GSTO2: variants seen among roughly 807,000 people sequenced by gnomAD.
GSTO2 encodes the protein glutathione S-transferase omega-2.
A neutral mutation model predicts 28.4 loss-of-function variants in GSTO2; 23 were observed. The ratio of observed to expected loss-of-function variants is 0.81; its 90% CI spans 0.58 to 1.15. The LOEUF is 1.15. GSTO2 is among the 50% of genes most tolerant of loss of function. The pLI is 0.00. For missense variants in GSTO2, 298 were observed against 297.8 expected (o/e 1.00, Z 0.00); for synonymous variants, 109 against 111.0 (o/e 0.98, Z 0.11).
intron 5 of GSTO2, among the ~76,000 whole-genome samples, chr10:104,286,204 G>C (rs888231233): frequency 6.6e-6 from 1 of 151,742 alleles, no homozygotes; most frequent in African/African-American, 2.4e-5. Flanking sequence ...ATTTCAGAGC[G>C]TTTTTTTTAT....
At chr10:104,289,976 T>C (rs1452185934) in intron 5 of GSTO2, among the ~76,000 whole-genome samples, 1 of 152,208 alleles carries the variant, frequency 6.6e-6, no homozygotes, top group Non-Finnish European at 1.5e-5. Flanking sequence ...CCTCGTTCAC[T>C]GGGGCGGGAA....
chr10:104,272,351 G>T (rs74154778), intron 1 of GSTO2, among the ~76,000 whole-genome samples: 11,271 of 152,128 alleles, frequency 0.074, 1,398 homozygotes, highest in African/African-American at 0.26. Flanking sequence ...ACTAAATAGT[G>T]GAGACCAGAT....
In GSTO2 at chr10:104,287,812, G is replaced by A. The variant is rs114053231; in HGVS notation, c.468+8341G>A. Among the ~76,000 whole-genome samples, 232 of 149,244 alleles carry A rather than the reference G, an allele frequency of 1.6e-3. 2 individuals are homozygous for A. Among genetic ancestry groups the A allele is most frequent in the African/African-American group, 5.5e-3 (224 of 40,488 alleles). ...GATTTTGTCTTTTACATTATTTTCT[G>A]TGTTTGATTTTTTTTTTAATGATGG... On this transcript the variant is annotated intron_variant, in intron 5 of 6. Coordinates refer to ENST00000338595, the MANE Select transcript of GSTO2 (RefSeq NM_183239.2).
chr10:104,291,516 T>C (rs2012766613), intron 5 of GSTO2: 2 of 152,298 alleles, frequency 1.3e-5, no homozygotes, highest in South Asian at 4.1e-4. Context: ...TGAACGTTCT[T>C]GGGGAGCCGC....
chr10:104,273,028 G>C (rs2011489013), intron 1 of GSTO2, among the ~76,000 whole-genome samples: 1 of 152,034 alleles, frequency 6.6e-6, no homozygotes, highest in Non-Finnish European at 1.5e-5. Flanking sequence ...GCCTTTTTTA[G>C]GCTATGGATA....
At chr10:104,293,810 C>A (rs1448580445) in intron 5 of GSTO2, among the ~76,000 whole-genome samples, 1 of 151,938 alleles carries the variant, frequency 6.6e-6, no homozygotes, top group African/African-American at 2.4e-5. Context: ...TTGGCTCAAG[C>A]AATTTAAGGA....
chr10:104,281,619 C>T (rs1428703844), intron 5 of GSTO2, among the ~76,000 whole-genome samples: 1 of 152,206 alleles, frequency 6.6e-6, no homozygotes, highest in African/African-American at 2.4e-5. Flanking sequence ...GCTGCAGATA[C>T]TTGCATACAT....
intron 5 of GSTO2, chr10:104,295,723 C>A (rs1410388583): frequency 6.6e-6 from 1 of 152,152 alleles, no homozygotes; most frequent in Non-Finnish European, 1.5e-5. Flanking sequence ...CTGCTGGTTC[C>A]CAAGCTCACA....
intron 5 of GSTO2, among the ~76,000 whole-genome samples, chr10:104,282,704 A>G (rs773485021): frequency 3.3e-5 from 5 of 152,256 alleles, no homozygotes; most frequent in Admixed American, 3.3e-4. Context: ...ATTTTGAGGA[A>G]CTAAGATGAG....
At chr10:104,284,179 G>A (rs1309253250) in intron 5 of GSTO2, among the ~76,000 whole-genome samples, 1 of 151,944 alleles carries the variant, frequency 6.6e-6, no homozygotes, top group African/African-American at 2.4e-5. Context: ...GTACAACATG[G>A]CAAAACCTTA....
At chr10:104,281,496 T>C (rs527651367) in intron 5 of GSTO2, among the ~76,000 whole-genome samples, 7 of 152,330 alleles carry the variant, frequency 4.6e-5, no homozygotes, top group Admixed American at 6.5e-5. Context: ...GGATGAACTT[T>C]TTAAATTACA....
chr10:104,275,303 A>G lies in GSTO2; in HGVS notation c.112A>G (p.Thr38Ala). The G allele has an allele frequency of 1.9e-6, 3 of 1,613,456 alleles. No individual in the cohort carries two copies. Among genetic ancestry groups the G allele is most frequent in the Non-Finnish European group, 2.5e-6 (3 of 1,179,822 alleles). The change falls in exon 3 of 7, where the codon ACC (threonine) becomes GCC (alanine). Residue 38 changes from threonine (T) to alanine (A), a missense_variant. Transcript: ENST00000338595. ...GAGGTTCTGCCCCTATTCTCACAGGACCCGCCTCGTCCTCAAGGCCAAAGA... is the reference window on the plus strand; with the variant it reads ...GAGGTTCTGCCCCTATTCTCACAGGGCCCGCCTCGTCCTCAAGGCCAAAGA... The part of the protein sequence containing the change: ...SMRFCPYSHR[T>A]RLVLKAKDIR...
At chr10:104,285,668 A>G (rs536677779) in intron 5 of GSTO2, among the ~76,000 whole-genome samples, 1 of 151,966 alleles carries the variant, frequency 6.6e-6, no homozygotes, top group Non-Finnish European at 1.5e-5. Context: ...AGGTCTCACT[A>G]TGTTGCTCAG....
rs2013191628 is a variant in GSTO2 at position 104,299,394 on chromosome 10, C to T, written c.*110C>T. 8.0e-7 allele frequency: 1 copy of T among 1,252,368 alleles called. No individual in the cohort carries two copies. The highest frequency in any genetic ancestry group is 2.4e-5 in the East Asian group (1 of 42,528). The allele number at this position is 1,252,368 out of a possible 1,614,324, so 77.6% of individuals were successfully genotyped here. ...CTCTCTTTCTTTTCTTTGAAGTTCC[C>T]AATAAAATGAAAACAGGAAATGTAT... On this transcript the variant is annotated 3_prime_UTR_variant, in exon 7 of 7. Transcript: ENST00000338595.
In GSTO2 at chr10:104,301,645, T is replaced by C. The variant is rs139731927; in HGVS notation, c.*2361T>C. On this transcript the variant is annotated 3_prime_UTR_variant, in exon 7 of 7. Coordinates refer to ENST00000338595, the MANE Select transcript of GSTO2 (RefSeq NM_183239.2). Reference sequence around the variant, plus strand: ...TTAATACATGTGGAAAGAATACATATGGGTTAAAAATACAATAATGTAAAA... The same window carrying C: ...TTAATACATGTGGAAAGAATACATACGGGTTAAAAATACAATAATGTAAAA... 10 of 152,374 alleles carry C rather than the reference T, an allele frequency of 6.6e-5. No homozygotes were observed. The East Asian group carries it at 1.9e-3, about 29-fold the overall frequency. The allele number at this position is 152,374 out of a possible 1,614,324, so 9.4% of individuals were successfully genotyped here.
intron 1 of GSTO2, among the ~76,000 whole-genome samples, chr10:104,270,303 G>A (rs912992846): frequency 2.0e-5 from 3 of 152,204 alleles, no homozygotes; most frequent in Non-Finnish European, 4.4e-5. Flanking sequence ...GTGAGCCACC[G>A]CGCCCGGCCT....
intron 5 of GSTO2, among the ~76,000 whole-genome samples, chr10:104,284,867 G>A (rs978335381): frequency 1.3e-5 from 2 of 152,176 alleles, no homozygotes; most frequent in Non-Finnish European, 2.9e-5. Flanking sequence ...GAAAGTGTTC[G>A]TGGCTTCTGA....
At chr10:104,275,109 G>A (rs2011564486) in intron 2 of GSTO2, 117 bp from the exon 3 acceptor site, 9 of 1,516,602 alleles carry the variant, frequency 5.9e-6, no homozygotes, top group Non-Finnish European at 7.1e-6. Flanking sequence ...CCCTCTCTGG[G>A]ACTTGGGAGT....
In GSTO2 at chr10:104,271,977, G is replaced by A. The variant is rs75243258; in HGVS notation, c.-232+2708G>A. ...AGAATGATTTTTTACATTTTTAAAG[G>A]GTTGAAAAAGAAAAACCAGTCACAA... On this transcript the variant is annotated intron_variant, in intron 1 of 6. Transcript: ENST00000338595. Among the ~76,000 whole-genome samples, 302 of 152,170 alleles carry A rather than the reference G, an allele frequency of 2.0e-3. 1 individual carries two copies. Among genetic ancestry groups the A allele is most frequent in the African/African-American group, 7.0e-3 (292 of 41,510 alleles).
Sources: gnomAD v4.1 joint callset for allele counts (sites outside exome capture counted in the v4.1 genomes callset) on GRCh38, gnomAD v4.1.1 for gene constraint, MANE v1.5 for transcripts, NCBI Gene and HGNC (gene_info 2026-07-23, HGNC 2026-07-21) for gene names.